Variants in PDE4B observed in about 807,000 individuals in gnomAD.
PDE4B encodes the protein 3',5'-cyclic-AMP phosphodiesterase 4B.
Under a neutral mutation model 82.2 loss-of-function variants are expected in PDE4B, and 20 were observed. The ratio of observed to expected loss-of-function variants is 0.24; its 90% CI spans 0.17 to 0.35. The LOEUF is 0.35. PDE4B is among the 10% of genes least tolerant of loss of function. The probability of loss-of-function intolerance (pLI) is 1.00; values close to 1 mark genes in which losing one functional copy is unlikely to be tolerated. For synonymous variants in PDE4B, 320 were observed against 318.9 expected, an observed-to-expected ratio of 1.00 and a Z score of -0.04; for missense variants, 655 against 907.2, an observed-to-expected ratio of 0.72 and a Z score of 3.57.
intron 7 of PDE4B, among the ~76,000 whole-genome samples, chr1:66,294,336 G>T (rs574304388): frequency 1.3e-5 from 2 of 152,254 alleles, no homozygotes; most frequent in African/African-American, 4.8e-5. Flanking sequence ...GAGATAATCA[G>T]TCATTTCTAA....
chr1:65,976,862 C>G lies in PDE4B; in HGVS notation c.281+58027C>G, dbSNP rs141254408. On this transcript the variant is annotated intron_variant, in intron 3 of 16. Coordinates refer to ENST00000341517, the MANE Select transcript of PDE4B (RefSeq NM_002600.4). ...CTGCAGAACTGTGAGTCAATTAAAT[C>G]TCTTTTCTTCATAAATTACTCAGTC... is the stretch of plus-strand genomic sequence containing the variant. 1.9e-3 allele frequency among the ~76,000 whole-genome samples: 294 copies of G among 152,294 alleles called. 1 individual carries two copies. The highest frequency in any genetic ancestry group is 6.6e-3 in the African/African-American group (274 of 41,558).
chr1:65,886,846 G>A (rs924891356), intron 1 of PDE4B, among the ~76,000 whole-genome samples: 3 of 152,134 alleles, frequency 2.0e-5, no homozygotes, highest in Non-Finnish European at 4.4e-5. Flanking sequence ...TGTAAGTGCA[G>A]CATCCCTTTT....
intron 1 of PDE4B, among the ~76,000 whole-genome samples, chr1:65,903,778 A>AT (rs1646997846): frequency 6.6e-6 from 1 of 151,996 alleles, no homozygotes; most frequent in Non-Finnish European, 1.5e-5. Context: ...TTACATGCTT[A>AT]TTTTTCGTAT....
chr1:66,205,304 G>A (rs1041083304), intron 3 of PDE4B, among the ~76,000 whole-genome samples: 1 of 152,124 alleles, frequency 6.6e-6, no homozygotes, highest in African/African-American at 2.4e-5. Context: ...AAAGAAAGAG[G>A]CTGAGCAAAC....
intron 3 of PDE4B, among the ~76,000 whole-genome samples, chr1:66,224,711 C>G (rs980628167): frequency 2.0e-5 from 3 of 152,170 alleles, no homozygotes; most frequent in African/African-American, 7.2e-5. Context: ...GATCAAGACT[C>G]TGCCTCAAAA....
Position 66,335,347 on chromosome 1 carries a change from G to A in PDE4B, c.747+2727G>A, listed in dbSNP as rs113616866. 9.3e-3 allele frequency among the ~76,000 whole-genome samples: 1,411 copies of A among 152,300 alleles called. 15 individuals carry two copies. Among genetic ancestry groups the A allele is most frequent in the African/African-American group, 0.032 (1,330 of 41,544 alleles). On this transcript the variant is annotated intron_variant, in intron 8 of 16. Coordinates refer to ENST00000341517, the MANE Select transcript of PDE4B (RefSeq NM_002600.4). ...ATAGGTGAAATTGTGTTATGCTGAG[G>A]GGTATTTGGGAATTACATAAGTGCA...
At chr1:65,894,221 A>T (rs1646884341) in intron 1 of PDE4B, among the ~76,000 whole-genome samples, 1 of 152,188 alleles carries the variant, frequency 6.6e-6, no homozygotes, top group African/African-American at 2.4e-5. Flanking sequence ...TGGCATAAGG[A>T]TAGACACTAA....
chr1:66,340,380 T>A (rs1660885121), intron 8 of PDE4B, among the ~76,000 whole-genome samples: 1 of 152,248 alleles, frequency 6.6e-6, no homozygotes, highest in Non-Finnish European at 1.5e-5. Flanking sequence ...TGCCAGATAA[T>A]TTTTTCTTCT....
chr1:66,302,317 A>T (rs1040305169), intron 7 of PDE4B, among the ~76,000 whole-genome samples: 2 of 152,166 alleles, frequency 1.3e-5, no homozygotes, highest in Admixed American at 1.3e-4. Context: ...TGTGTCCTTG[A>T]TGGTCATCTT....
At chr1:66,123,869 C>T (rs1375478087) in intron 3 of PDE4B, among the ~76,000 whole-genome samples, 1 of 152,178 alleles carries the variant, frequency 6.6e-6, no homozygotes, top group Non-Finnish European at 1.5e-5. Context: ...GTTAAAGGCT[C>T]TTGCTCTCCC....
chr1:66,067,514 C>T lies in PDE4B; in HGVS notation c.281+148679C>T, dbSNP rs559310208. 8.5e-5 allele frequency among the ~76,000 whole-genome samples: 13 copies of T among 152,134 alleles called. No individual in the cohort carries two copies. The East Asian group carries it at 9.7e-4, about 11-fold the overall frequency. On this transcript the variant is annotated intron_variant, in intron 3 of 16. Coordinates refer to ENST00000341517, the MANE Select transcript of PDE4B (RefSeq NM_002600.4). ...TTGAGAAGTGTCTGTTCATCTCCTT[C>T]GCCCACTTGTTGATGGGGTTGTTTG...
intron 3 of PDE4B, among the ~76,000 whole-genome samples, chr1:66,032,595 C>T (rs6588179): frequency 0.22 from 32,703 of 151,592 alleles, 4,058 homozygotes; most frequent in Middle Eastern, 0.36. Context: ...AGACTTTATT[C>T]CATTGAGGGT....
At chr1:66,238,751 G>A (rs549984775) in intron 3 of PDE4B, among the ~76,000 whole-genome samples, 2 of 151,776 alleles carry the variant, frequency 1.3e-5, no homozygotes, top group Admixed American at 1.3e-4. Context: ...TTGGGAGCAG[G>A]GAATGAAAAC....
chr1:65,969,300 C>T (rs1650010467), intron 3 of PDE4B, among the ~76,000 whole-genome samples: 1 of 152,144 alleles, frequency 6.6e-6, no homozygotes, highest in Admixed American at 6.6e-5. Flanking sequence ...GAGGGTCTCA[C>T]TTTGGCAAAG....
chr1:66,197,322 T>A (rs1474320492), intron 3 of PDE4B, among the ~76,000 whole-genome samples: 1 of 152,148 alleles, frequency 6.6e-6, no homozygotes, highest in Non-Finnish European at 1.5e-5. Context: ...AATTGTATGC[T>A]CAGCTTAGAG....
At chr1:65,890,826 T>C (rs898424748) in intron 1 of PDE4B, among the ~76,000 whole-genome samples, 2 of 151,884 alleles carry the variant, frequency 1.3e-5, no homozygotes, top group Admixed American at 6.6e-5. Context: ...CACACACATA[T>C]ACACACACAT....
intron 8 of PDE4B, among the ~76,000 whole-genome samples, chr1:66,351,105 T>C (rs939459598): frequency 7.9e-5 from 12 of 152,232 alleles, no homozygotes; most frequent in Non-Finnish European, 1.3e-4. Flanking sequence ...GTGAATCTAA[T>C]GTTGGGCATA....
At chr1:66,098,493 A>G (rs1645159048) in intron 3 of PDE4B, among the ~76,000 whole-genome samples, 1 of 152,142 alleles carries the variant, frequency 6.6e-6, no homozygotes, top group Non-Finnish European at 1.5e-5. Context: ...ATAAGGCTAG[A>G]TATTTTAACT....
intron 7 of PDE4B, among the ~76,000 whole-genome samples, chr1:66,299,741 T>C (rs1657754789): frequency 6.6e-6 from 1 of 152,214 alleles, no homozygotes; most frequent in Admixed American, 6.5e-5. Flanking sequence ...TTTATCTTTC[T>C]GATAATGGCC....
Sources: allele counts gnomAD v4.1 joint callset (sites outside exome capture counted in the v4.1 genomes callset), GRCh38; gene constraint gnomAD v4.1.1; transcripts MANE v1.5; gene names NCBI Gene and HGNC (gene_info 2026-07-23, HGNC 2026-07-21).